The following CAPZA1 variants were observed in gnomAD, a reference collection of about 807,000 sequenced individuals.
The protein encoded by CAPZA1 is capping actin protein of muscle Z-line subunit alpha 1.
A neutral mutation model predicts 40.8 loss-of-function variants in CAPZA1; 10 were observed. The ratio of observed to expected loss-of-function variants is 0.25; its 90% CI spans 0.15 to 0.42. The LOEUF is 0.42. Among genes scored for constraint, CAPZA1 ranks in the 10% least tolerant of loss-of-function variants. The pLI, the probability that CAPZA1 is intolerant of heterozygous loss-of-function variation, is 1.00. For synonymous variants in CAPZA1, 98 were observed against 115.0 expected, an observed-to-expected ratio of 0.85 and a Z score of 0.95; for missense variants, 277 against 353.8, an observed-to-expected ratio of 0.78 and a Z score of 1.74.
In CAPZA1 at chr1:112,653,572, TTTAAAAAAC is replaced by T; in HGVS notation, c.156-23_156-15del. ...CTCTCTCCCTCTTTTTTTTTTTTTT[TTTAAAAAAC>T]TTTTAAAAAAAAACAGTGCATTTGC... is the stretch of plus-strand genomic sequence containing the variant. On this transcript the variant is annotated splice_polypyrimidine_tract_variant and intron_variant, in intron 3 of 9. Coordinates refer to ENST00000263168, the MANE Select transcript of CAPZA1 (RefSeq NM_006135.3). The T allele has an allele frequency of 1.1e-5, 15 of 1,418,496 alleles. No homozygotes were observed. The highest frequency in any genetic ancestry group is 2.6e-5 in the South Asian group (2 of 77,500). 87.9% of individuals were successfully genotyped at this position (1,418,496 alleles called of 1,614,324 possible).
intron 1 of CAPZA1, among the ~76,000 whole-genome samples, chr1:112,642,817 C>T (rs1046191859): frequency 2.0e-5 from 3 of 151,898 alleles, no homozygotes; most frequent in East Asian, 3.9e-4. Context: ...GGTGGGACTT[C>T]GGGAATATTA....
chr1:112,621,149 C>T (rs1670640202), intron 1 of CAPZA1, among the ~76,000 whole-genome samples: 1 of 152,212 alleles, frequency 6.6e-6, no homozygotes, highest in Admixed American at 6.5e-5. Flanking sequence ...AACTGATCTT[C>T]ATACATGTTT....
rs574925127 is a variant in CAPZA1 at position 112,639,864 on chromosome 1, T to TGG, written c.40-7340_40-7339dup. Among the ~76,000 whole-genome samples the TGG allele has an allele frequency of 1.4e-4, 12 of 82,990 alleles. No individual in the cohort carries two copies. In the East Asian group the frequency reaches 3.8e-3, roughly 27 times the overall value. 54.4% of individuals were successfully genotyped at this position (82,990 alleles called of 152,430 possible). A position where few individuals can be genotyped will look rare whatever the true frequency, so the allele number is the denominator to read the frequency against. On this transcript the variant is annotated intron_variant, in intron 1 of 9. Transcript: ENST00000263168. ...CCAGCCGCCCCGTCCGGGAGGGAGGTGGGGGGGTCAGCCCCCCACCCGGCC... is the reference window on the plus strand; with the variant it reads ...CCAGCCGCCCCGTCCGGGAGGGAGGTGGGGGGGGGTCAGCCCCCCACCCGGCC...
At chr1:112,628,097 G>A (rs1382578792) in intron 1 of CAPZA1, among the ~76,000 whole-genome samples, 1 of 152,190 alleles carries the variant, frequency 6.6e-6, no homozygotes, top group East Asian at 1.9e-4. Context: ...CCCGTAACAA[G>A]GCCAAGGAGA....
At chr1:112,622,607 AT>A (rs2101133120) in intron 1 of CAPZA1, among the ~76,000 whole-genome samples, 1 of 152,262 alleles carries the variant, frequency 6.6e-6, no homozygotes, top group African/African-American at 2.4e-5. Context: ...TGACTAGCAT[AT>A]TTTTTCCCTT....
chr1:112,647,576 T>G (rs911964130), intron 2 of CAPZA1, among the ~76,000 whole-genome samples: 2 of 152,234 alleles, frequency 1.3e-5, no homozygotes, highest in Non-Finnish European at 2.9e-5. Flanking sequence ...TTCATAGTTT[T>G]ATTTTTATCG....
At chr1:112,640,111 A>G (rs1170943216) in intron 1 of CAPZA1, among the ~76,000 whole-genome samples, 374 of 56,044 alleles carry the variant, frequency 6.7e-3, no homozygotes, top group Middle Eastern at 0.013. Flanking sequence ...CCCTCTGCCC[A>G]GCCAGCCGCC....
At chr1:112,650,624 C>T in intron 3 of CAPZA1, among the ~76,000 whole-genome samples, 1 of 152,228 alleles carries the variant, frequency 6.6e-6, no homozygotes, top group East Asian at 1.9e-4. Context: ...AATTCACAAT[C>T]TCACAAGGCA....
intron 7 of CAPZA1, among the ~76,000 whole-genome samples, chr1:112,662,021 A>G (rs751182919): frequency 6.6e-6 from 1 of 152,272 alleles, no homozygotes; most frequent in Non-Finnish European, 1.5e-5. Context: ...GTTGATGACA[A>G]TCATGTTGAA....
intron 4 of CAPZA1, among the ~76,000 whole-genome samples, 194 bp downstream of exon 4, chr1:112,653,855 A>C (rs1486449783): frequency 6.6e-6 from 1 of 152,246 alleles, no homozygotes; most frequent in Non-Finnish European, 1.5e-5. Context: ...AAAGGAGAGC[A>C]GCCTCTTAAC....
At chr1:112,648,894 C>T (rs926110910) in intron 2 of CAPZA1, among the ~76,000 whole-genome samples, 19 of 151,176 alleles carry the variant, frequency 1.3e-4, no homozygotes, top group East Asian at 3.9e-4. Flanking sequence ...ACTGGGGAAG[C>T]GGAGGTTGGA....
At chr1:112,666,489 T>A (rs934093930) in intron 7 of CAPZA1, among the ~76,000 whole-genome samples, 1 of 152,222 alleles carries the variant, frequency 6.6e-6, no homozygotes, top group African/African-American at 2.4e-5. Flanking sequence ...ATTGTTTGCA[T>A]AATTGTAGCA....
chr1:112,657,373 T>G (rs1671519165), intron 5 of CAPZA1, among the ~76,000 whole-genome samples: 1 of 152,178 alleles, frequency 6.6e-6, no homozygotes, highest in African/African-American at 2.4e-5. Context: ...ACATATTCTT[T>G]GCCTGCTAAT....
chr1:112,656,901 ATT>A (rs1257392180), intron 5 of CAPZA1, among the ~76,000 whole-genome samples: 17 of 139,016 alleles, frequency 1.2e-4, no homozygotes, highest in Admixed American at 1.4e-4. Context: ...ACTGACAGAA[ATT>A]TTTTTTTTTT....
At chr1:112,628,118 T>C (rs969451808) in intron 1 of CAPZA1, among the ~76,000 whole-genome samples, 6 of 152,230 alleles carry the variant, frequency 3.9e-5, no homozygotes, top group Non-Finnish European at 8.8e-5. Flanking sequence ...AACTTTACAG[T>C]ATGACAGTAT....
chr1:112,635,595 C>A lies in CAPZA1; in HGVS notation c.40-11615C>A, dbSNP rs1279765058. Reference sequence around the variant, plus strand: ...GAGACGAGTAGCTGGGATTACAACACCCAGCTAATTTTTGCATTTTTAGCA... The same window carrying A: ...GAGACGAGTAGCTGGGATTACAACAACCAGCTAATTTTTGCATTTTTAGCA... On this transcript the variant is annotated intron_variant, in intron 1 of 9. Transcript: ENST00000263168. Among the ~76,000 whole-genome samples the A allele has an allele frequency of 2.7e-5, 4 of 149,144 alleles. No individual in the cohort carries two copies. The East Asian group carries it at 6.0e-4, about 22-fold the overall frequency.
rs537732292 is a variant in CAPZA1, at chr1:112,657,005, G to A, written c.427-2017G>A. ...CAACCTCCCCTTCCTGGGTTCAAGC[G>A]ATTCTCCTGCCTCAGCCTCCTGAGT... is the stretch of plus-strand genomic sequence containing the variant. On this transcript the variant is annotated intron_variant, in intron 5 of 9. Coordinates refer to ENST00000263168, the MANE Select transcript of CAPZA1 (RefSeq NM_006135.3). Among the ~76,000 whole-genome samples the A allele has an allele frequency of 3.3e-5, 5 of 151,416 alleles. No individual in the cohort carries two copies. The South Asian group carries it at 8.4e-4, about 25-fold the overall frequency.
chr1:112,665,400 G>T (rs1353417946), intron 7 of CAPZA1, among the ~76,000 whole-genome samples: 3 of 151,752 alleles, frequency 2.0e-5, no homozygotes, highest in Non-Finnish European at 2.9e-5. Flanking sequence ...GGCTGGTTTC[G>T]AACTCCTGAC....
chr1:112,649,298 CAT>C, intron 2 of CAPZA1, 118 bp from the exon 3 acceptor site: 1 of 693,392 alleles, frequency 1.4e-6, no homozygotes, highest in Non-Finnish European at 2.6e-6. Flanking sequence ...AATTTCTACT[CAT>C]ATAGTACACC....
Sources: allele counts gnomAD v4.1 joint callset (sites outside exome capture counted in the v4.1 genomes callset), GRCh38; gene constraint gnomAD v4.1.1; transcripts MANE v1.5; gene names NCBI Gene and HGNC (gene_info 2026-07-23, HGNC 2026-07-21).